ASTN2: variants seen among roughly 807,000 people sequenced by gnomAD.
ASTN2 encodes the protein astrotactin-2.
A neutral mutation model predicts 139.8 loss-of-function variants in ASTN2; 54 were observed. That is an observed-to-expected ratio of 0.39 (90% CI 0.31 to 0.48). The LOEUF is 0.48. Among genes scored for constraint, ASTN2 ranks in the 20% least tolerant of loss-of-function variants. ASTN2 has a pLI of 0.95. For missense variants in ASTN2, 1,565 were observed against 1,725.1 expected, an observed-to-expected ratio of 0.91 and a Z score of 1.64; for synonymous variants, 756 against 719.5, an observed-to-expected ratio of 1.05 and a Z score of -0.81.
chr9:117,274,804 C>A (rs1834147450), intron 2 of ASTN2, among the ~76,000 whole-genome samples: 1 of 152,140 alleles, frequency 6.6e-6, no homozygotes, highest in Non-Finnish European at 1.5e-5. Context: ...AGGGGTGGGC[C>A]TTTCCTCTGA....
intron 20 of ASTN2, among the ~76,000 whole-genome samples, chr9:116,461,812 A>AAAGTTT (rs1298343894): frequency 1.1e-4 from 16 of 152,284 alleles, no homozygotes; most frequent in African/African-American, 3.8e-4. Context: ...GTTATGCACT[A>AAAGTTT]AAGTTTTTGT....
At chr9:116,444,941 G>A (rs1588065009) in intron 20 of ASTN2, among the ~76,000 whole-genome samples, 1 of 152,184 alleles carries the variant, frequency 6.6e-6, no homozygotes, top group Non-Finnish European at 1.5e-5. Context: ...TTAAGGAGGT[G>A]AGAGTAAGCA....
intron 10 of ASTN2, among the ~76,000 whole-genome samples, chr9:116,962,822 G>A (rs1049161362): frequency 6.6e-6 from 1 of 152,154 alleles, no homozygotes. Flanking sequence ...TGTTTTGATG[G>A]TAGAGTGTTT....
At chr9:116,522,086 A>G (rs1850900806) in intron 19 of ASTN2, among the ~76,000 whole-genome samples, 3 of 152,204 alleles carry the variant, frequency 2.0e-5, no homozygotes, top group South Asian at 4.1e-4. Context: ...TAGTACAACC[A>G]CTATCGAAAA....
intron 3 of ASTN2, among the ~76,000 whole-genome samples, chr9:117,206,194 T>C (rs1267459342): frequency 6.6e-6 from 1 of 152,142 alleles, no homozygotes; most frequent in African/African-American, 2.4e-5. Context: ...TGGAGAAGCA[T>C]CTGTGGTGAC....
chr9:116,446,661 A>G (rs954841541), intron 20 of ASTN2, among the ~76,000 whole-genome samples: 1 of 152,128 alleles, frequency 6.6e-6, no homozygotes, highest in Non-Finnish European at 1.5e-5. Flanking sequence ...ACGTTGGATG[A>G]GCTATACAGG....
chr9:117,207,142 C>A (rs939313369), intron 3 of ASTN2, among the ~76,000 whole-genome samples: 1 of 152,164 alleles, frequency 6.6e-6, no homozygotes, highest in Non-Finnish European at 1.5e-5. Context: ...TCCTGGTGGG[C>A]ACACACCTGA....
intron 19 of ASTN2, among the ~76,000 whole-genome samples, chr9:116,615,538 T>C (rs1280162525): frequency 6.6e-6 from 1 of 152,106 alleles, no homozygotes; most frequent in East Asian, 1.9e-4. Context: ...TGAAATACTA[T>C]GCAGCCATGA....
At chr9:117,293,646 C>T (rs764689648) in intron 1 of ASTN2, among the ~76,000 whole-genome samples, 1 of 152,132 alleles carries the variant, frequency 6.6e-6, no homozygotes, top group Non-Finnish European at 1.5e-5. Context: ...TCTCTTCATC[C>T]CAGGCTGGGG....
chr9:116,991,136 T>G (rs558755297), intron 7 of ASTN2, among the ~76,000 whole-genome samples: 1 of 148,706 alleles, frequency 6.7e-6, no homozygotes, highest in Non-Finnish European at 1.5e-5. Context: ...AGACCATTCA[T>G]CACGGTAGCC....
chr9:117,365,990 CTG>C (rs1311406750), intron 1 of ASTN2, among the ~76,000 whole-genome samples: 1 of 152,152 alleles, frequency 6.6e-6, no homozygotes, highest in Non-Finnish European at 1.5e-5. Context: ...TTCTGCGCTC[CTG>C]ACACATTACA....
At chr9:117,378,580 C>T (rs1163653525) in intron 1 of ASTN2, among the ~76,000 whole-genome samples, 1 of 152,106 alleles carries the variant, frequency 6.6e-6, no homozygotes, top group African/African-American at 2.4e-5. Context: ...ATCCACTGCC[C>T]CCTTCTTGGG....
chr9:116,770,063 C>A, intron 13 of ASTN2, among the ~76,000 whole-genome samples: 1 of 146,618 alleles, frequency 6.8e-6, no homozygotes, highest in Non-Finnish European at 1.5e-5. Context: ...CATAAGAATA[C>A]TGAGGTTAAA....
chr9:116,993,181 T>C (rs968082073), intron 7 of ASTN2, among the ~76,000 whole-genome samples: 7 of 152,216 alleles, frequency 4.6e-5, no homozygotes, highest in Admixed American at 3.3e-4. Flanking sequence ...CCAGGGGTTC[T>C]GGCCCTCTGA....
At chr9:116,557,975 T>C (rs1217328127) in intron 19 of ASTN2, among the ~76,000 whole-genome samples, 1 of 152,226 alleles carries the variant, frequency 6.6e-6, no homozygotes, top group African/African-American at 2.4e-5. Flanking sequence ...TTTTTTGCAC[T>C]AGTCCCATTA....
At chr9:117,078,632 A>G (rs1828341493) in intron 5 of ASTN2, among the ~76,000 whole-genome samples, 1 of 152,242 alleles carries the variant, frequency 6.6e-6, no homozygotes, top group African/African-American at 2.4e-5. Context: ...CTATAGCTTG[A>G]AAATGGCTGG....
intron 17 of ASTN2, among the ~76,000 whole-genome samples, chr9:116,638,975 G>A (rs770639137): frequency 1.3e-5 from 2 of 152,236 alleles, no homozygotes; most frequent in Non-Finnish European, 2.9e-5. Context: ...ATTATCTCAT[G>A]TTTGAGATGT....
intron 2 of ASTN2, among the ~76,000 whole-genome samples, chr9:117,283,564 A>T (rs1009095447): frequency 1.3e-5 from 2 of 152,170 alleles, no homozygotes; most frequent in Admixed American, 6.5e-5. Flanking sequence ...GGGTGCAGTG[A>T]GGTTAAGAAG....
In ASTN2 at chr9:117,341,492, C is replaced by G. The variant is rs540859060; in HGVS notation, c.443-49979G>C. ...GGATAATAATAATTTTTTGAAAAAT[C>G]ATAAAGTAGCAAACGATCAAGCAAA... On this transcript the variant is annotated intron_variant, in intron 1 of 22. Transcript: ENST00000313400. Among the ~76,000 whole-genome samples the G allele has an allele frequency of 1.6e-3, 243 of 152,124 alleles. 6 individuals carry two copies. Among genetic ancestry groups the G allele is most frequent in the Middle Eastern group, 3.4e-3 (1 of 294 alleles).
Sources: allele counts gnomAD v4.1 joint callset (sites outside exome capture counted in the v4.1 genomes callset), GRCh38; gene constraint gnomAD v4.1.1; transcripts MANE v1.5; gene names NCBI Gene and HGNC (gene_info 2026-07-23, HGNC 2026-07-21).